The following ARHGEF12 variants were observed in gnomAD, a reference collection of about 807,000 sequenced individuals.
ARHGEF12 encodes the protein Rho guanine nucleotide exchange factor 12, also known as KMT2A/ARHGEF12 fusion protein.
In ARHGEF12, 66 loss-of-function variants were observed where a neutral mutation model predicts 211.2. That is an observed-to-expected ratio of 0.31 (90% CI 0.26 to 0.38). The LOEUF is 0.38. ARHGEF12 is among the 10% of genes least tolerant of loss of function. The pLI, the probability that ARHGEF12 is intolerant of heterozygous loss-of-function variation, is 1.00. For missense variants in ARHGEF12, 1,429 were observed against 1,869.5 expected (o/e 0.76, Z 4.34); for synonymous variants, 592 against 638.4 (o/e 0.93, Z 1.09).
chr11:120,336,492 C>G lies in ARHGEF12; in HGVS notation c.-752C>G, dbSNP rs892360490. 1.3e-5 allele frequency among the ~76,000 whole-genome samples: 2 copies of G among 151,840 alleles called. No homozygotes were observed. Among genetic ancestry groups the G allele is most frequent in the African/African-American group, 4.8e-5 (2 of 41,412 alleles). ...ACCAGGGCTTCCAGGCCGGGCCGGA[C>G]GGGCATCTCCCGCCCCTCGCGGGGA... On this transcript the variant is annotated 5_prime_UTR_variant, in exon 1 of 41. Coordinates refer to ENST00000397843, the MANE Select transcript of ARHGEF12 (RefSeq NM_015313.3).
At chr11:120,414,232 T>C (rs1473062805) in intron 4 of ARHGEF12, among the ~76,000 whole-genome samples, 1 of 152,234 alleles carries the variant, frequency 6.6e-6, no homozygotes, top group Non-Finnish European at 1.5e-5. Context: ...AGGCAAAATA[T>C]GATTTTTAAG....
chr11:120,477,418 A>C (rs1947072774), intron 35 of ARHGEF12, 29 bp from the exon 36 acceptor site: 1 of 1,270,598 alleles, frequency 7.9e-7, no homozygotes, highest in Non-Finnish European at 1.1e-6. Flanking sequence ...GGAAGGTAAA[A>C]GTTTTTTTTT....
At chr11:120,401,132 G>T (rs1279699117) in intron 1 of ARHGEF12, among the ~76,000 whole-genome samples, 2 of 152,192 alleles carry the variant, frequency 1.3e-5, no homozygotes, top group Non-Finnish European at 2.9e-5. Context: ...TGGCAGTATG[G>T]CTATTGTAGA....
intron 25 of ARHGEF12, 24 bp from the exon 26 acceptor site, chr11:120,459,150 A>G: frequency 6.4e-7 from 1 of 1,570,040 alleles, no homozygotes; most frequent in Non-Finnish European, 8.6e-7. Flanking sequence ...GTAAGGCAAC[A>G]TTTCATATCT....
At chr11:120,409,360 T>C in intron 3 of ARHGEF12, 34 bp from the exon 4 acceptor site, 1 of 1,610,130 alleles carries the variant, frequency 6.2e-7, no homozygotes, top group Non-Finnish European at 8.5e-7. Context: ...CCATATTTTC[T>C]ATATCTCTCT....
intron 1 of ARHGEF12, among the ~76,000 whole-genome samples, chr11:120,389,757 A>T (rs944583423): frequency 1.3e-5 from 2 of 152,220 alleles, no homozygotes; most frequent in Non-Finnish European, 2.9e-5. Context: ...TAGCTTCCAC[A>T]AATGAGTGAG....
Position 120,337,262 on chromosome 11 carries a change from A to T in ARHGEF12, c.19A>T (p.Thr7Ser). The change falls in exon 1 of 41, where the codon ACT becomes TCT. Residue 7 changes from threonine to serine, a missense_variant. Thr to Ser is a moderately conservative substitution (Grantham distance 58). Coordinates refer to ENST00000397843, the MANE Select transcript of ARHGEF12 (RefSeq NM_015313.3). MSGTQS[T>S]ITDRFPLKKP... is the part of the protein sequence containing the mutation. Reference sequence around the variant, plus strand: ...GGCCCCAATGAGTGGCACACAGTCTACTATCACCGACAGGTTGGTATGAAT... The same window carrying T: ...GGCCCCAATGAGTGGCACACAGTCTTCTATCACCGACAGGTTGGTATGAAT... 1 of 1,614,194 alleles carries T rather than the reference A, an allele frequency of 6.2e-7. No individual in the cohort carries two copies.
intron 1 of ARHGEF12, among the ~76,000 whole-genome samples, chr11:120,379,670 T>G (rs1038267593): frequency 4.6e-5 from 7 of 152,102 alleles, no homozygotes; most frequent in Non-Finnish European, 7.4e-5. Context: ...TTCTTTCTTT[T>G]TTTTGACTTG....
chr11:120,345,518 A>G (rs1565415344), intron 1 of ARHGEF12, among the ~76,000 whole-genome samples: 5 of 152,096 alleles, frequency 3.3e-5, no homozygotes, highest in Admixed American at 1.3e-4. Flanking sequence ...TCTGGCTAAC[A>G]CGGTGAAACC....
In ARHGEF12 at chr11:120,414,884, G is replaced by C. The variant is rs190085007; in HGVS notation, c.199+5434G>C. On this transcript the variant is annotated intron_variant, in intron 4 of 40. Coordinates refer to ENST00000397843, the MANE Select transcript of ARHGEF12 (RefSeq NM_015313.3). ...TGGGATTACAGGTGTGATCCACGGT[G>C]CCTGCCTGTCAGGATTACGTTTGAA... 3.1e-3 allele frequency among the ~76,000 whole-genome samples: 477 copies of C among 152,234 alleles called. 7 individuals carry two copies. The highest frequency in any genetic ancestry group is 0.011 in the African/African-American group (462 of 41,546).
At position 120,351,424 on chromosome 11, in the gene ARHGEF12, TATATATATATATATATATATATATATA is replaced by T. The variant is rs1565420423; in HGVS notation, c.32+14150_32+14176del. Among the ~76,000 whole-genome samples, 20 of 7,064 alleles carry T rather than the reference TATATATATATATATATATATATATATA, an allele frequency of 2.8e-3. 1 individual carries two copies. Among genetic ancestry groups the T allele is most frequent in the African/African-American group, 0.01 (18 of 1,768 alleles). 4.6% of individuals were successfully genotyped at this position (7,064 alleles called of 152,430 possible). On this transcript the variant is annotated intron_variant, in intron 1 of 40. Coordinates refer to ENST00000397843, the MANE Select transcript of ARHGEF12 (RefSeq NM_015313.3). The stretch of plus-strand genomic sequence containing the variant: ...TAGGAAAGGAATATATATATATATA[TATATATATATATATATATATATATATA>T]TATATTTTTTTTTTTTTTTTTTTTT...
At chr11:120,444,317 C>T (rs572786854) in intron 15 of ARHGEF12, among the ~76,000 whole-genome samples, 1 of 151,780 alleles carries the variant, frequency 6.6e-6, no homozygotes, top group Middle Eastern at 3.4e-3. Context: ...CATTTTGCTA[C>T]ACATGATCTA....
rs1203299074 is a variant in ARHGEF12 at position 120,481,288 on chromosome 11, C to T, written c.4266C>T (p.Asp1422=). 3.1e-6 allele frequency: 5 copies of T among 1,614,024 alleles called. No homozygotes were observed. Among genetic ancestry groups the T allele is most frequent in the East Asian group, 2.2e-5 (1 of 44,896 alleles). ...SGNYLILDGY[D]PVQESSTDEE... ...ACTATTTGATCCTTGATGGCTATGA[C>T]CCAGTGCAGGAGAGTTCCACAGATG... Residue 1422 remains aspartate (D), a synonymous_variant, in exon 39 of 41, where the codon GAC becomes GAT. Transcript: ENST00000397843.
intron 1 of ARHGEF12, among the ~76,000 whole-genome samples, chr11:120,351,413 A>G (rs1236964456): frequency 1.0e-3 from 2 of 2,010 alleles, no homozygotes; most frequent in East Asian, 0.019. Context: ...AAAGGAATAT[A>G]TATATATATA....
chr11:120,445,517 C>T, intron 16 of ARHGEF12, 53 bp downstream of exon 16: 2 of 1,539,888 alleles, frequency 1.3e-6, no homozygotes, highest in Non-Finnish European at 9.0e-7. Context: ...AGATATGTAG[C>T]TCAGCTCATC....
At chr11:120,338,121 G>A (rs1417949012) in intron 1 of ARHGEF12, among the ~76,000 whole-genome samples, 1 of 152,150 alleles carries the variant, frequency 6.6e-6, no homozygotes, top group Non-Finnish European at 1.5e-5. Flanking sequence ...GGGATAAAAA[G>A]CATATTGATT....
chr11:120,429,392 T>C, intron 8 of ARHGEF12, 48 bp from the exon 9 acceptor site: 1 of 1,484,050 alleles, frequency 6.7e-7, no homozygotes, highest in Non-Finnish European at 9.3e-7. Flanking sequence ...TTTAGCTTCA[T>C]TTTGTCTATA....
At chr11:120,477,875 G>A (rs10892583) in intron 36 of ARHGEF12, among the ~76,000 whole-genome samples, 63,110 of 140,704 alleles carry the variant, frequency 0.45, 14,885 homozygotes, top group African/African-American at 0.61. Flanking sequence ...AAAAAAAAAA[G>A]AAAAAAAGAA....
At chr11:120,376,351 C>G (rs1413340839) in intron 1 of ARHGEF12, among the ~76,000 whole-genome samples, 3 of 151,758 alleles carry the variant, frequency 2.0e-5, no homozygotes. Context: ...TTTTGTTTAT[C>G]TAAGGGAACA....
Sources: allele counts gnomAD v4.1 joint callset (sites outside exome capture counted in the v4.1 genomes callset), GRCh38; gene constraint gnomAD v4.1.1; transcripts MANE v1.5; gene names NCBI Gene and HGNC (gene_info 2026-07-23, HGNC 2026-07-21).